FOXA3: variants seen among roughly 807,000 people sequenced by gnomAD.
FOXA3 encodes hepatocyte nuclear factor 3-gamma.
A neutral mutation model predicts 16.9 loss-of-function variants in FOXA3; 11 were observed. The observed-to-expected ratio is 0.65, with a 90% CI of 0.41 to 1.08. FOXA3 has a LOEUF of 1.08. FOXA3 is among the 50% of genes least tolerant of loss of function. The probability of loss-of-function intolerance (pLI) is 0.00; values close to 1 mark genes in which losing one functional copy is unlikely to be tolerated. For synonymous variants in FOXA3, 217 were observed against 203.3 expected (o/e 1.07, Z -0.57); for missense variants, 423 against 470.1 (o/e 0.90, Z 0.93).
intron 1 of FOXA3, among the ~76,000 whole-genome samples, chr19:45,869,644 A>G (rs1972115860): frequency 6.6e-6 from 1 of 152,214 alleles, no homozygotes; most frequent in Non-Finnish European, 1.5e-5. Flanking sequence ...TCCCATTTGT[A>G]TTAATATATA....
chr19:45,869,873 CCTT>C lies in FOXA3; in HGVS notation c.70-2199_70-2197del, dbSNP rs1201823331. ...CAATCTCGGCTCACTGCAACCTCCA[CCTT>C]CTGGGTGCAAGCAATTCTCCTGCCT... is the stretch of plus-strand genomic sequence containing the variant. On this transcript the variant is annotated intron_variant, in intron 1 of 1. Transcript: ENST00000302177. Among the ~76,000 whole-genome samples, 62 of 152,008 alleles carry C rather than the reference CCTT, an allele frequency of 4.1e-4. No homozygotes were observed. The Middle Eastern group carries it at 0.014, about 33-fold the overall frequency.
At chr19:45,867,981 G>A (rs1326691447) in intron 1 of FOXA3, among the ~76,000 whole-genome samples, 1 of 150,998 alleles carries the variant, frequency 6.6e-6, no homozygotes, top group Non-Finnish European at 1.5e-5. Flanking sequence ...GGGGTCGAGG[G>A]TGGGCAGGAA....
rs1225957254 is a variant in FOXA3, at chr19:45,864,364, C to T, written c.-93C>T. The T allele has an allele frequency of 2.6e-6, 3 of 1,133,402 alleles. No individual in the cohort carries two copies. Among genetic ancestry groups the T allele is most frequent in the Non-Finnish European group, 3.4e-6 (3 of 879,224 alleles). The allele number at this position is 1,133,402 out of a possible 1,614,324, so 70.2% of individuals were successfully genotyped here. A position where few individuals can be genotyped will look rare whatever the true frequency, so the allele number is the denominator to read the frequency against. ...CCCGGGCGGTCGGACGGGCGGGCGC[C>T]GGTGGGAGCTCGGGCCGTGCCCGCT... On this transcript the variant is annotated 5_prime_UTR_variant, in exon 1 of 2. Transcript: ENST00000302177.
chr19:45,866,973 G>A (rs1290607160), intron 1 of FOXA3, among the ~76,000 whole-genome samples: 3 of 152,116 alleles, frequency 2.0e-5, no homozygotes, highest in Non-Finnish European at 2.9e-5. Context: ...GTCCCCCAAG[G>A]GCTTCCCCCC....
chr19:45,868,713 C>T (rs551314755), intron 1 of FOXA3, among the ~76,000 whole-genome samples: 19 of 152,068 alleles, frequency 1.2e-4, no homozygotes, highest in African/African-American at 3.4e-4. Context: ...CCCCAGGCCT[C>T]GGAGGAGGCA....
In FOXA3 at chr19:45,873,280, AC is replaced by A. The variant is rs1473491719; in HGVS notation, c.*223del. On this transcript the variant is annotated 3_prime_UTR_variant, in exon 2 of 2. Coordinates refer to ENST00000302177, the MANE Select transcript of FOXA3 (RefSeq NM_004497.3). ...TGGTGGCCCACTGGGTACTGTGAGG[AC>A]TGCTACATTGATGGATGTTATTGGC... The A allele has an allele frequency of 1.6e-6, 1 of 641,236 alleles. No individual in the cohort carries two copies. The highest frequency in any genetic ancestry group is 1.8e-5 in the African/African-American group (1 of 54,588). The allele number at this position is 641,236 out of a possible 1,614,324, so 39.7% of individuals were successfully genotyped here. A position where few individuals can be genotyped will look rare whatever the true frequency, so the allele number is the denominator to read the frequency against.
chr19:45,865,157 CAGA>C (rs1458301321), intron 1 of FOXA3, among the ~76,000 whole-genome samples: 2 of 152,010 alleles, frequency 1.3e-5, no homozygotes, highest in African/African-American at 2.4e-5. Context: ...CATCTGGGAG[CAGA>C]AGATGTAGCC....
chr19:45,872,660 G>A lies in FOXA3; in HGVS notation c.655G>A (p.Val219Met). The A allele has an allele frequency of 6.2e-7, 1 of 1,613,080 alleles. No individual in the cohort carries two copies. The highest frequency in any genetic ancestry group is 8.5e-7 in the Non-Finnish European group (1 of 1,179,558). ...RQKRFKLEEKVKKGGSGAATT... is the reference protein window; with the variant it reads ...RQKRFKLEEKMKKGGSGAATT... Reference sequence around the variant, plus strand: ...GAAACGCTTCAAGCTGGAGGAGAAGGTGAAAAAAGGGGGCAGCGGGGCTGC... The same window carrying A: ...GAAACGCTTCAAGCTGGAGGAGAAGATGAAAAAAGGGGGCAGCGGGGCTGC... Residue 219 changes from valine (V) to methionine (M), a missense_variant, in exon 2 of 2, where the codon GTG becomes ATG. Coordinates refer to ENST00000302177, the MANE Select transcript of FOXA3 (RefSeq NM_004497.3). The surrounding 1 kb of genome is among the most constrained non-coding windows in gnomAD (Gnocchi z 4.5).
chr19:45,866,804 G>T (rs1248344608), intron 1 of FOXA3, among the ~76,000 whole-genome samples: 1 of 152,202 alleles, frequency 6.6e-6, no homozygotes, highest in Non-Finnish European at 1.5e-5. Flanking sequence ...TAACTCTGAA[G>T]CCCCGCACGC....
intron 1 of FOXA3, among the ~76,000 whole-genome samples, chr19:45,867,779 C>CAAAAAAAAAAAAAAAA (rs60785587): frequency 5.4e-5 from 3 of 55,460 alleles, no homozygotes; most frequent in African/African-American, 1.0e-4. Context: ...GACTCTATCT[C>CAAAAAAAAAAAAAAAA]AAAAAAAAAA....
Position 45,872,272 on chromosome 19 carries a change from C to T in FOXA3, c.267C>T (p.Ser89=). Residue 89 remains serine, a synonymous_variant, in exon 2 of 2, where the codon AGC becomes AGT. Coordinates refer to ENST00000302177, the MANE Select transcript of FOXA3 (RefSeq NM_004497.3). This position sits in a 1 kb window ranked among gnomAD's most constrained non-coding sequence, Gnocchi z 4.5. ...PGLGVSGGSS[S]SGYGAPGPGL... is the part of the protein sequence containing the mutation. ...TGGGTGTCAGCGGTGGCAGCAGCAG[C>T]TCCGGGTACGGGGCCCCGGGTCCTG... The T allele has an allele frequency of 1.2e-6, 2 of 1,611,942 alleles. No homozygotes were observed. Among genetic ancestry groups the T allele is most frequent in the Non-Finnish European group, 1.7e-6 (2 of 1,178,364 alleles).
chr19:45,872,333 C>G lies in FOXA3; in HGVS notation c.328C>G (p.Arg110Gly). ...VHGKEMPKGYRRPLAHAKPPY... is the reference protein window; with the variant it reads ...VHGKEMPKGYGRPLAHAKPPY... ...CGGGAAGGAGATGCCGAAGGGGTAT[C>G]GGCGGCCCCTGGCACACGCCAAGCC... Residue 110 changes from arginine to glycine, a missense_variant, in exon 2 of 2, where the codon CGG (arginine) becomes GGG (glycine). This residue lies in a region of FOXA3 where 170 missense variants were observed against 153.9 expected (regional missense o/e 1.10). Coordinates refer to ENST00000302177, the MANE Select transcript of FOXA3 (RefSeq NM_004497.3). The surrounding 1 kb of genome is among the most constrained non-coding windows in gnomAD (Gnocchi z 4.5). The G allele has an allele frequency of 6.2e-7, 1 of 1,613,792 alleles. No homozygotes were observed. The highest frequency in any genetic ancestry group is 2.2e-5 in the East Asian group (1 of 44,888).
In FOXA3 at chr19:45,872,335, G is replaced by A. The variant is rs1453989122; in HGVS notation, c.330G>A (p.Arg110=). Reference sequence around the variant, plus strand: ...GGAAGGAGATGCCGAAGGGGTATCGGCGGCCCCTGGCACACGCCAAGCCAC... The same window carrying A: ...GGAAGGAGATGCCGAAGGGGTATCGACGGCCCCTGGCACACGCCAAGCCAC... ...VHGKEMPKGY[R]RPLAHAKPPY... Residue 110 remains arginine (R), a synonymous_variant, in exon 2 of 2, where the codon CGG becomes CGA. Coordinates refer to ENST00000302177, the MANE Select transcript of FOXA3 (RefSeq NM_004497.3). The surrounding 1 kb of genome is among the most constrained non-coding windows in gnomAD (Gnocchi z 4.5). 1.2e-6 allele frequency: 2 copies of A among 1,613,906 alleles called. No individual in the cohort carries two copies. The highest frequency in any genetic ancestry group is 2.2e-5 in the South Asian group (2 of 91,088).
rs1323740695 is a variant in FOXA3, at chr19:45,872,206, C to T, written c.201C>T (p.Pro67=). The T allele has an allele frequency of 6.3e-7, 1 of 1,599,760 alleles. No individual in the cohort carries two copies. The highest frequency in any genetic ancestry group is 1.3e-5 in the African/African-American group (1 of 74,582). ...CACTGCCCTCAGGACCCCTGGCACC[C>T]CCAGCACCTGCAGCCCCCCTGGGGC... ...ASPLPSGPLA[P]PAPAAPLGPT... Residue 67 remains proline, a synonymous_variant, in exon 2 of 2, where the codon CCC becomes CCT. Coordinates refer to ENST00000302177, the MANE Select transcript of FOXA3 (RefSeq NM_004497.3). This position sits in a 1 kb window ranked among gnomAD's most constrained non-coding sequence, Gnocchi z 4.5.
chr19:45,864,614 A>C, intron 1 of FOXA3, 89 bp downstream of exon 1: 1 of 1,125,290 alleles, frequency 8.9e-7, no homozygotes, highest in East Asian at 3.2e-5. Flanking sequence ...GTGGGTTCAA[A>C]TGGAGGCAAA....
intron 1 of FOXA3, among the ~76,000 whole-genome samples, chr19:45,867,160 C>T (rs1972091815): frequency 6.6e-6 from 1 of 152,004 alleles, no homozygotes; most frequent in African/African-American, 2.4e-5. Context: ...CCCTGGGGTC[C>T]CTGTCTGTCT....
At chr19:45,865,799 C>T (rs755049714) in intron 1 of FOXA3, among the ~76,000 whole-genome samples, 9 of 151,912 alleles carry the variant, frequency 5.9e-5, no homozygotes, top group Non-Finnish European at 1.0e-4. Context: ...GCAGGGCCAA[C>T]AGGGAAAGGG....
At chr19:45,871,375 A>G (rs970288620) in intron 1 of FOXA3, among the ~76,000 whole-genome samples, 14 of 152,000 alleles carry the variant, frequency 9.2e-5, no homozygotes, top group African/African-American at 3.1e-4. Flanking sequence ...TGGAATATCA[A>G]CACCCCCTGG....
In FOXA3 at chr19:45,864,573, G is replaced by C. The variant is rs536220649; in HGVS notation, c.69+48G>C. 2.5e-5 allele frequency: 36 copies of C among 1,440,978 alleles called. 1 individual carries two copies. In the Admixed American group the frequency reaches 7.3e-4, roughly 29 times the overall value. 89.3% of individuals were successfully genotyped at this position (1,440,978 alleles called of 1,614,324 possible). ...GCGGGAAGTTGGGGGCAGGTATCGG[G>C]GTGTGGGCTCACATGGAGCAGGGAC... is the stretch of plus-strand genomic sequence containing the variant. On this transcript the variant is annotated intron_variant, in intron 1 of 1. Coordinates refer to ENST00000302177, the MANE Select transcript of FOXA3 (RefSeq NM_004497.3).
Sources: allele counts gnomAD v4.1 joint callset (sites outside exome capture counted in the v4.1 genomes callset), GRCh38; gene constraint gnomAD v4.1.1; regional missense constraint gnomAD v4.1.1; non-coding constraint Gnocchi (gnomAD v3.1); transcripts MANE v1.5; gene names NCBI Gene and HGNC (gene_info 2026-07-23, HGNC 2026-07-21).